The following ELMOD1 variants were observed in gnomAD, a reference collection of about 807,000 sequenced individuals.
ELMOD1 encodes ELMO domain containing 1.
A neutral mutation model predicts 46.7 loss-of-function variants in ELMOD1; 21 were observed. The ratio of observed to expected loss-of-function variants is 0.45; its 90% CI spans 0.32 to 0.65. ELMOD1 has a LOEUF of 0.65. Ranked by LOEUF, ELMOD1 falls within the 30% of genes least tolerant of loss-of-function variation. ELMOD1 has a pLI of 0.04. For synonymous variants in ELMOD1, 122 were observed against 138.2 expected (o/e 0.88, Z 0.82); for missense variants, 348 against 407.8 (o/e 0.85, Z 1.26).
At chr11:107,637,255 T>C (rs1866244745) in intron 6 of ELMOD1, among the ~76,000 whole-genome samples, 1 of 152,226 alleles carries the variant, frequency 6.6e-6, no homozygotes, top group South Asian at 2.1e-4. Flanking sequence ...ACTATAAGCA[T>C]TTTAGCTCAG....
chr11:107,619,626 G>C (rs1183022511), intron 2 of ELMOD1, among the ~76,000 whole-genome samples: 1 of 152,204 alleles, frequency 6.6e-6, no homozygotes, highest in Non-Finnish European at 1.5e-5. Context: ...AAAAACTTGA[G>C]CAGCCTCAAA....
chr11:107,637,351 C>G (rs1216587246), intron 6 of ELMOD1, among the ~76,000 whole-genome samples: 1 of 152,222 alleles, frequency 6.6e-6, no homozygotes, highest in South Asian at 2.1e-4. Flanking sequence ...TCATTTCTGC[C>G]CTCAAGCAGC....
intron 2 of ELMOD1, among the ~76,000 whole-genome samples, chr11:107,625,994 T>C (rs1035571358): frequency 1.3e-5 from 2 of 152,196 alleles, no homozygotes; most frequent in Non-Finnish European, 2.9e-5. Flanking sequence ...AAAAAACTGC[T>C]GCCTATGCAT....
At chr11:107,639,748 C>G (rs1012915955) in intron 6 of ELMOD1, among the ~76,000 whole-genome samples, 1 of 152,198 alleles carries the variant, frequency 6.6e-6, no homozygotes, top group Non-Finnish European at 1.5e-5. Flanking sequence ...TTCTTGTCTT[C>G]TGCTAATCAC....
At chr11:107,652,966 T>C (rs1866551456) in intron 9 of ELMOD1, among the ~76,000 whole-genome samples, 1 of 152,212 alleles carries the variant, frequency 6.6e-6, no homozygotes, top group African/African-American at 2.4e-5. Context: ...AACTAGTTTT[T>C]ACATTGTATT....
intron 1 of ELMOD1, among the ~76,000 whole-genome samples, chr11:107,608,405 G>A (rs968166503): frequency 2.6e-5 from 4 of 151,844 alleles, no homozygotes; most frequent in Non-Finnish European, 4.4e-5. Context: ...GATGTATTAC[G>A]AAGACTTAAG....
At chr11:107,615,229 CTTT>C (rs34461488) in intron 1 of ELMOD1, among the ~76,000 whole-genome samples, 19 of 81,134 alleles carry the variant, frequency 2.3e-4, no homozygotes, top group South Asian at 2.2e-3. Context: ...TTGTCAGCAT[CTTT>C]TTTTTTTTTT....
chr11:107,660,107 T>C (rs1400487335), intron 11 of ELMOD1, among the ~76,000 whole-genome samples: 1 of 152,158 alleles, frequency 6.6e-6, no homozygotes, highest in Non-Finnish European at 1.5e-5. Flanking sequence ...AGATTCATTG[T>C]TCCTCAATCA....
chr11:107,628,726 G>T lies in ELMOD1; in HGVS notation c.18-1691G>T, dbSNP rs57554612. ...TATATGCACTTTTGTAATGGCTTTTGGTGATCATTTTATACATCATAATTT... is the reference window on the plus strand; with the variant it reads ...TATATGCACTTTTGTAATGGCTTTTTGTGATCATTTTATACATCATAATTT... On this transcript the variant is annotated intron_variant, in intron 2 of 11. Transcript: ENST00000265840. 1.6e-3 allele frequency among the ~76,000 whole-genome samples: 249 copies of T among 150,954 alleles called. 1 individual carries two copies. The highest frequency in any genetic ancestry group is 5.7e-3 in the African/African-American group (236 of 41,246).
intron 1 of ELMOD1, 68 bp downstream of exon 1, chr11:107,591,477 C>T: frequency 5.1e-6 from 1 of 197,134 alleles, no homozygotes; most frequent in East Asian, 1.6e-4. Context: ...AGAGGTGCGG[C>T]GAGGACGCGA....
intron 6 of ELMOD1, chr11:107,643,681 C>T (rs773278107): frequency 8.4e-5 from 44 of 524,750 alleles, no homozygotes; most frequent in Non-Finnish European, 1.4e-4. Context: ...AATGTTCATA[C>T]TTCCATATAC....
chr11:107,633,925 A>T (rs1375725729), intron 5 of ELMOD1, among the ~76,000 whole-genome samples: 1 of 152,162 alleles, frequency 6.6e-6, no homozygotes, highest in African/African-American at 2.4e-5. Flanking sequence ...AAAGTCATTC[A>T]CTGAATATGA....
chr11:107,622,128 A>T (rs1345972983), intron 2 of ELMOD1, among the ~76,000 whole-genome samples: 1 of 152,226 alleles, frequency 6.6e-6, no homozygotes, highest in Non-Finnish European at 1.5e-5. Flanking sequence ...AAAGAATGCG[A>T]TCAGTGACAG....
chr11:107,606,900 G>C (rs148462208), intron 1 of ELMOD1, among the ~76,000 whole-genome samples: 1 of 152,120 alleles, frequency 6.6e-6, no homozygotes, highest in African/African-American at 2.4e-5. Context: ...TTAACAAAGA[G>C]AGTAAATTTC....
In ELMOD1 at chr11:107,665,461, AT is replaced by A; in HGVS notation, c.*271del. ...TACCCAGGTATGGAGAGAGTTTTCTATTTTTTTAGACTTTTTTTCCTCTCCC... is the reference window on the plus strand; with the variant it reads ...TACCCAGGTATGGAGAGAGTTTTCTATTTTTTAGACTTTTTTTCCTCTCCC... On this transcript the variant is annotated 3_prime_UTR_variant, in exon 12 of 12. Coordinates refer to ENST00000265840, the MANE Select transcript of ELMOD1 (RefSeq NM_018712.4). The A allele has an allele frequency of 6.0e-6, 2 of 335,312 alleles. No homozygotes were observed. The highest frequency in any genetic ancestry group is 1.1e-5 in the Non-Finnish European group (2 of 185,784). 20.8% of individuals were successfully genotyped at this position (335,312 alleles called of 1,614,324 possible).
At chr11:107,644,687 G>A (rs2135703257) in intron 6 of ELMOD1, among the ~76,000 whole-genome samples, 1 of 152,124 alleles carries the variant, frequency 6.6e-6, no homozygotes, top group Non-Finnish European at 1.5e-5. Flanking sequence ...TGTTAGCCAG[G>A]ATGGTCTCGA....
intron 6 of ELMOD1, among the ~76,000 whole-genome samples, chr11:107,641,153 G>A (rs569571335): frequency 3.9e-5 from 6 of 152,174 alleles, no homozygotes; most frequent in South Asian, 2.1e-4. Context: ...TTAGCCAGGC[G>A]TGGTGGTGCA....
chr11:107,617,775 T>C (rs111529225), intron 1 of ELMOD1, among the ~76,000 whole-genome samples: 3,921 of 152,320 alleles, frequency 0.026, 76 homozygotes, highest in Middle Eastern at 0.075. Context: ...GTTAATTTTA[T>C]TGTTCTTCAT....
At chr11:107,607,690 A>G (rs1865709087) in intron 1 of ELMOD1, among the ~76,000 whole-genome samples, 2 of 151,980 alleles carry the variant, frequency 1.3e-5, no homozygotes, top group Non-Finnish European at 1.5e-5. Flanking sequence ...CAAACAAGAT[A>G]TAGGACAAAT....
Sources: allele counts gnomAD v4.1 joint callset (sites outside exome capture counted in the v4.1 genomes callset), GRCh38; gene constraint gnomAD v4.1.1; transcripts MANE v1.5; gene names NCBI Gene and HGNC (gene_info 2026-07-23, HGNC 2026-07-21).